The following WFDC13 variants were observed in gnomAD, a reference collection of about 807,000 sequenced individuals.
WFDC13 encodes WAP four-disulfide core domain 13, also known as WAP four-disulfide core domain protein 13.
Under a neutral mutation model 10.9 loss-of-function variants are expected in WFDC13, and 6 were observed. The ratio of observed to expected loss-of-function variants is 0.55; its 90% CI spans 0.30 to 1.09. WFDC13 has a LOEUF of 1.09. Ranked by LOEUF, WFDC13 falls within the 50% of genes least tolerant of loss-of-function variation. WFDC13 has a pLI of 0.06. For synonymous variants in WFDC13, 38 were observed against 39.5 expected, an observed-to-expected ratio of 0.96 and a Z score of 0.14; for missense variants, 104 against 109.6, an observed-to-expected ratio of 0.95 and a Z score of 0.23.
In WFDC13 at chr20:45,704,512, G is replaced by T. The variant is rs1401581551; in HGVS notation, c.157G>T (p.Glu53Ter). The change falls in exon 2 of 4, where the codon GAA becomes TAA. Residue 53 changes from glutamate to a stop codon, truncating the protein, a stop_gained. Coordinates refer to ENST00000305479, the MANE Select transcript of WFDC13 (RefSeq NM_172005.2). LOFTEE classifies it high-confidence loss of function. ...ENCTHLCTMQ[E>*]DCEKGFQCCS... is the part of the protein sequence containing the mutation. Reference sequence around the variant, plus strand: ...CTGTACTCACCTGTGTACAATGCAGGAAGATTGCGAGAAAGGATTTCAGTG... The same window carrying T: ...CTGTACTCACCTGTGTACAATGCAGTAAGATTGCGAGAAAGGATTTCAGTG... The T allele has an allele frequency of 6.2e-7, 1 of 1,614,158 alleles. No individual in the cohort carries two copies. The highest frequency in any genetic ancestry group is 8.5e-7 in the Non-Finnish European group (1 of 1,180,022).
intron 2 of WFDC13, chr20:45,704,817 C>A (rs151324117): frequency 7.3e-7 from 1 of 1,367,360 alleles, no homozygotes; most frequent in Admixed American, 1.7e-5. Context: ...TCACCATATC[C>A]GTGAATTTCT....
intron 3 of WFDC13, among the ~76,000 whole-genome samples, chr20:45,707,033 G>A (rs73908190): frequency 0.016 from 2,403 of 152,336 alleles, 72 homozygotes; most frequent in African/African-American, 0.056. Flanking sequence ...ACAAAGGAGC[G>A]TGATAAATAG....
intron 2 of WFDC13, 108 bp downstream of exon 2, chr20:45,704,702 C>A (rs1270217745): frequency 1.5e-6 from 2 of 1,322,748 alleles, no homozygotes; most frequent in Non-Finnish European, 2.0e-6. Flanking sequence ...TTTTTTTTTT[C>A]CTTGGTGGCC....
At chr20:45,702,715 G>A (rs1194609930) in intron 1 of WFDC13, among the ~76,000 whole-genome samples, 1 of 152,208 alleles carries the variant, frequency 6.6e-6, no homozygotes, top group Non-Finnish European at 1.5e-5. Context: ...TCAAACTCCA[G>A]AGGTACTGTA....
intron 3 of WFDC13, among the ~76,000 whole-genome samples, chr20:45,707,003 A>C (rs1018830630): frequency 6.6e-6 from 1 of 152,252 alleles, no homozygotes; most frequent in Non-Finnish European, 1.5e-5. Context: ...CTTTCAGCTT[A>C]GTCCTTTTAT....
chr20:45,704,676 C>T, intron 2 of WFDC13, 82 bp downstream of exon 2: 1 of 1,514,416 alleles, frequency 6.6e-7, no homozygotes. Flanking sequence ...AGCAACTGTG[C>T]TGGATCTCTC....
In WFDC13 at chr20:45,704,597, A is replaced by C. The variant is rs1263572385; in HGVS notation, c.239+3A>C. On this transcript the variant is annotated splice_donor_region_variant and intron_variant, in intron 2 of 3. Coordinates refer to ENST00000305479, the MANE Select transcript of WFDC13 (RefSeq NM_172005.2). ...GAAACATTTCAAAAGCGCAACAGGT[A>C]AGAGATATCTCATATCCAGGTCTGA... 49 of 1,613,786 alleles carry C rather than the reference A, an allele frequency of 3.0e-5. No individual in the cohort carries two copies. Among genetic ancestry groups the C allele is most frequent in the Non-Finnish European group, 4.1e-5 (48 of 1,179,868 alleles).
Position 45,705,683 on chromosome 20 carries a change from T to A in WFDC13, c.240-180T>A, listed in dbSNP as rs149326017. ...CATCTTTCAATGCTCTACATTGGAA[T>A]GCAGAAGCATAAATATAACTCTTTG... On this transcript the variant is annotated intron_variant, in intron 2 of 3. Transcript: ENST00000305479. Among the ~76,000 whole-genome samples, 61 of 152,334 alleles carry A rather than the reference T, an allele frequency of 4.0e-4. No homozygotes were observed. The East Asian group carries it at 0.011, about 28-fold the overall frequency.
In WFDC13 at chr20:45,705,896, T is replaced by C. The variant is rs1984370621; in HGVS notation, c.273T>C (p.Pro91=). The C allele has an allele frequency of 6.2e-7, 1 of 1,614,006 alleles. No individual in the cohort carries two copies. Among genetic ancestry groups the C allele is most frequent in the Non-Finnish European group, 8.5e-7 (1 of 1,180,018 alleles). ...IKHKGSEVIM[P]AN ...ACAAGGGCTCAGAAGTCATCATGCC[T>C]GCCAACTGAGGCATATTTCCTAGAT... The change falls in exon 3 of 4, where the codon CCT becomes CCC. Residue 91 remains proline (P), a synonymous_variant. Coordinates refer to ENST00000305479, the MANE Select transcript of WFDC13 (RefSeq NM_172005.2).
rs1984492411 is a variant in WFDC13 at position 45,708,645 on chromosome 20, A to T, written c.*810A>T. ...ATAGTCATAAGAAGAGACAATCAAAAATAATCAGCCATAAAATATTAAAAA... is the reference window on the plus strand; with the variant it reads ...ATAGTCATAAGAAGAGACAATCAAATATAATCAGCCATAAAATATTAAAAA... On this transcript the variant is annotated 3_prime_UTR_variant, in exon 4 of 4. Transcript: ENST00000305479. 6.6e-6 allele frequency: 1 copy of T among 152,242 alleles called. No individual in the cohort carries two copies. Among genetic ancestry groups the T allele is most frequent in the Admixed American group, 6.5e-5 (1 of 15,284 alleles). 9.4% of individuals were successfully genotyped at this position (152,242 alleles called of 1,614,324 possible).
chr20:45,702,242 AG>A (rs1984194350), intron 1 of WFDC13, 31 bp downstream of exon 1: 1 of 1,595,072 alleles, frequency 6.3e-7, no homozygotes, highest in Admixed American at 1.7e-5. Context: ...CAAGGAGGGA[AG>A]TAACATGTGT....
intron 3 of WFDC13, among the ~76,000 whole-genome samples, chr20:45,706,599 C>T (rs1490716960): frequency 6.6e-6 from 1 of 152,098 alleles, no homozygotes; most frequent in Non-Finnish European, 1.5e-5. Flanking sequence ...GAGTGAAACC[C>T]TGTCTCTACT....
Position 45,702,053 on chromosome 20 carries a change from C to G in WFDC13, c.-71C>G. 2.1e-6 allele frequency: 3 copies of G among 1,447,742 alleles called. No homozygotes were observed. Among genetic ancestry groups the G allele is most frequent in the South Asian group, 1.2e-5 (1 of 80,938 alleles). The allele number at this position is 1,447,742 out of a possible 1,614,324, so 89.7% of individuals were successfully genotyped here. On this transcript the variant is annotated 5_prime_UTR_variant, in exon 1 of 4. Coordinates refer to ENST00000305479, the MANE Select transcript of WFDC13 (RefSeq NM_172005.2). ...CCACTTTGCCCTCTTTCCTTCTCTT[C>G]TCCTCACAGCAGTGCCTGGTCAAAC...
At chr20:45,703,655 G>A (rs1984266649) in intron 1 of WFDC13, among the ~76,000 whole-genome samples, 1 of 152,118 alleles carries the variant, frequency 6.6e-6, no homozygotes, top group Admixed American at 6.5e-5. Context: ...TGTGGGTTGT[G>A]GACTTAGGGA....
chr20:45,708,691 A>T lies in WFDC13; in HGVS notation c.*856A>T, dbSNP rs1984494203. 1 of 152,214 alleles carries T rather than the reference A, an allele frequency of 6.6e-6. No homozygotes were observed. The highest frequency in any genetic ancestry group is 1.5e-5 in the Non-Finnish European group (1 of 68,032). The allele number at this position is 152,214 out of a possible 1,614,324, so 9.4% of individuals were successfully genotyped here. On this transcript the variant is annotated 3_prime_UTR_variant, in exon 4 of 4. Coordinates refer to ENST00000305479, the MANE Select transcript of WFDC13 (RefSeq NM_172005.2). ...AAAAAGGTATTATAAAGGTATTTAA[A>T]ATAATAATAATAAAGTGTTATTTTC... is the stretch of plus-strand genomic sequence containing the variant.
At chr20:45,704,413 A>G (rs980984) in intron 1 of WFDC13, 31 bp from the exon 2 acceptor site, 619,208 of 1,593,158 alleles carry the variant, frequency 0.39, 127,196 homozygotes, top group East Asian at 0.76. Context: ...CCTGTTGGTG[A>G]GGCCCTTCTC....
chr20:45,704,993 C>T (rs771641543), intron 2 of WFDC13: 1 of 1,614,130 alleles, frequency 6.2e-7, no homozygotes, highest in East Asian at 2.2e-5. Context: ...AGACACCATC[C>T]TTTGGCCACC....
At chr20:45,706,267 C>T (rs1984387953) in intron 3 of WFDC13, among the ~76,000 whole-genome samples, 1 of 152,168 alleles carries the variant, frequency 6.6e-6, no homozygotes, top group South Asian at 2.1e-4. Flanking sequence ...TCAAGCTGAG[C>T]CCTTCACGCT....
At chr20:45,703,345 C>T (rs1984249804) in intron 1 of WFDC13, among the ~76,000 whole-genome samples, 1 of 152,182 alleles carries the variant, frequency 6.6e-6, no homozygotes, top group Non-Finnish European at 1.5e-5. Context: ...TTGTCAACAG[C>T]TTGAACCTCA....
Sources: gnomAD v4.1 joint callset for allele counts (sites outside exome capture counted in the v4.1 genomes callset) on GRCh38, gnomAD v4.1.1 for gene constraint, MANE v1.5 for transcripts, NCBI Gene and HGNC (gene_info 2026-07-23, HGNC 2026-07-21) for gene names.